COL4A3: variants seen among roughly 807,000 people sequenced by gnomAD.
The protein encoded by COL4A3 is collagen alpha-3(IV) chain.
A neutral mutation model predicts 217.4 loss-of-function variants in COL4A3; 135 were observed. That is an observed-to-expected ratio of 0.62 (90% CI 0.54 to 0.72). The LOEUF (loss-of-function observed/expected upper bound fraction) is 0.72. COL4A3 is among the 30% of genes least tolerant of loss of function. COL4A3 has a pLI of 0.00. For missense variants in COL4A3, 1,868 were observed against 2,119.9 expected, an observed-to-expected ratio of 0.88 and a Z score of 2.33; for synonymous variants, 690 against 736.3, an observed-to-expected ratio of 0.94 and a Z score of 1.02.
intron 1 of COL4A3, among the ~76,000 whole-genome samples, chr2:227,174,498 GATTATT>G (rs10603964): frequency 3.3e-5 from 5 of 150,448 alleles, no homozygotes; most frequent in Non-Finnish European, 5.9e-5. Flanking sequence ...TTAGTCTAGT[GATTATT>G]ATTATTATTA....
intron 2 of COL4A3, among the ~76,000 whole-genome samples, chr2:227,239,001 AGT>A (rs1224760410): frequency 1.6e-4 from 24 of 152,244 alleles, no homozygotes; most frequent in Admixed American, 1.4e-3. Flanking sequence ...CTTCTTGTTG[AGT>A]GTGTGTGCAC....
intron 35 of COL4A3, 102 bp downstream of exon 35, chr2:227,289,350 T>C: frequency 1.0e-6 from 1 of 978,150 alleles, no homozygotes; most frequent in Non-Finnish European, 1.6e-6. Context: ...ATATCAATTC[T>C]GTTCTGATAG....
chr2:227,214,007 T>C (rs1368376142), intron 1 of COL4A3, among the ~76,000 whole-genome samples: 1 of 151,670 alleles, frequency 6.6e-6, no homozygotes, highest in East Asian at 1.9e-4. Context: ...AGAGGTGAAA[T>C]TGTGTTCCCA....
chr2:227,264,050 GT>G, intron 21 of COL4A3, 106 bp downstream of exon 21: 1 of 1,246,758 alleles, frequency 8.0e-7, no homozygotes, highest in Non-Finnish European at 1.2e-6. Context: ...AGTCTGTGTG[GT>G]TTTTATGAGT....
intron 1 of COL4A3, among the ~76,000 whole-genome samples, chr2:227,188,351 C>T (rs1577055567): frequency 2.0e-5 from 3 of 151,938 alleles, no homozygotes; most frequent in Admixed American, 2.0e-4. Context: ...CGTTTATAAG[C>T]AGATATTTAA....
intron 18 of COL4A3, among the ~76,000 whole-genome samples, chr2:227,259,564 T>A (rs1377573404): frequency 6.6e-6 from 1 of 152,248 alleles, no homozygotes; most frequent in Non-Finnish European, 1.5e-5. Flanking sequence ...TATTTCTAAT[T>A]GAAAGCCCAT....
At chr2:227,295,142 C>G (rs1574818211) in intron 40 of COL4A3, 80 bp downstream of exon 40, 3 of 1,529,720 alleles carry the variant, frequency 2.0e-6, no homozygotes, top group Non-Finnish European at 2.7e-6. Flanking sequence ...CTTTGCTGCT[C>G]TAAAGATTTT....
At chr2:227,243,671 A>C (rs1362434290) in intron 3 of COL4A3, among the ~76,000 whole-genome samples, 1 of 152,262 alleles carries the variant, frequency 6.6e-6, no homozygotes, top group Admixed American at 6.5e-5. Context: ...CTTTTGGACA[A>C]TGAAACTTTC....
Position 227,259,809 on chromosome 2 carries a change from C to T in COL4A3, c.1046C>T (p.Thr349Ile). ...TCCTCTAAGACAGAATATTATGACA[C>T]ATACCAGGAAAAGGGAGATGAAGGC... ...GFRGPTEYYD[T>I]YQEKGDEGTP... is the part of the protein sequence containing the mutation. Residue 349 changes from threonine to isoleucine, a missense_variant, in exon 19 of 52, where the codon ACA (threonine) becomes ATA (isoleucine). This residue lies in a region of COL4A3 where 1,503 missense variants were observed against 1,786.1 expected (regional missense o/e 0.84). Transcript: ENST00000396578. The T allele has an allele frequency of 6.2e-7, 1 of 1,612,356 alleles. No individual in the cohort carries two copies. The highest frequency in any genetic ancestry group is 1.1e-5 in the South Asian group (1 of 91,040).
chr2:227,244,612 A>T (rs1044901252), intron 4 of COL4A3, among the ~76,000 whole-genome samples: 2 of 152,206 alleles, frequency 1.3e-5, no homozygotes, highest in Non-Finnish European at 2.9e-5. Context: ...TGATGAGATG[A>T]TGGTATATAA....
At chr2:227,297,633 T>C in intron 41 of COL4A3, 41 bp from the exon 42 acceptor site, 2 of 1,572,112 alleles carry the variant, frequency 1.3e-6, no homozygotes, top group Non-Finnish European at 1.7e-6. Flanking sequence ...AACCCAAGCA[T>C]ATGGGCATTA....
chr2:227,264,159 AG>A (rs2070755418), intron 21 of COL4A3, among the ~76,000 whole-genome samples: 1 of 152,226 alleles, frequency 6.6e-6, no homozygotes, highest in Non-Finnish European at 1.5e-5. Context: ...CGAGTTTCCC[AG>A]AGAGCAGAGT....
chr2:227,252,878 C>T (rs1241112101), intron 11 of COL4A3, among the ~76,000 whole-genome samples: 1 of 152,168 alleles, frequency 6.6e-6, no homozygotes, highest in Non-Finnish European at 1.5e-5. Flanking sequence ...GAATTCTATT[C>T]TTAGATTCTC....
chr2:227,206,534 G>A (rs1407731234), intron 1 of COL4A3, among the ~76,000 whole-genome samples: 2 of 152,204 alleles, frequency 1.3e-5, no homozygotes, highest in Admixed American at 6.5e-5. Context: ...AGCAAAAAGT[G>A]AGTTAGTGTG....
At chr2:227,222,826 C>T (rs1388685632) in intron 1 of COL4A3, among the ~76,000 whole-genome samples, 1 of 152,192 alleles carries the variant, frequency 6.6e-6, no homozygotes, top group African/African-American at 2.4e-5. Flanking sequence ...ATCGCACCTG[C>T]AGCCCCATGG....
At chr2:227,293,724 G>A in intron 38 of COL4A3, 1 of 473,564 alleles carries the variant, frequency 2.1e-6, no homozygotes, top group Non-Finnish European at 4.4e-6. Flanking sequence ...TTAAACTACA[G>A]ATGTTTATTT....
intron 2 of COL4A3, among the ~76,000 whole-genome samples, chr2:227,238,812 G>T (rs760535291): frequency 3.3e-5 from 5 of 152,010 alleles, no homozygotes; most frequent in African/African-American, 9.7e-5. Context: ...TTGGATTTAG[G>T]TTTTTTCTTG....
intron 25 of COL4A3, 58 bp from the exon 26 acceptor site, chr2:227,272,891 C>T: frequency 6.5e-7 from 1 of 1,543,004 alleles, no homozygotes; most frequent in East Asian, 2.2e-5. Flanking sequence ...GGATGATTAA[C>T]CTGTTGTAAG....
At chr2:227,293,565 C>T (rs1460422130) in intron 38 of COL4A3, among the ~76,000 whole-genome samples, 1 of 152,180 alleles carries the variant, frequency 6.6e-6, no homozygotes, top group Non-Finnish European at 1.5e-5. Context: ...ACTGCCTCAA[C>T]AAATTCAGCC....
Sources: allele counts gnomAD v4.1 joint callset (sites outside exome capture counted in the v4.1 genomes callset), GRCh38; gene constraint gnomAD v4.1.1; regional missense constraint gnomAD v4.1.1; transcripts MANE v1.5; gene names NCBI Gene and HGNC (gene_info 2026-07-23, HGNC 2026-07-21).